ASB11: variants seen among roughly 807,000 people sequenced by gnomAD.
ASB11 encodes ankyrin repeat and SOCS box protein 11.
A neutral mutation model predicts 20.1 loss-of-function variants in ASB11; 17 were observed. That is an observed-to-expected ratio of 0.85 (90% CI 0.58 to 1.27). The LOEUF is 1.27. Ranked by LOEUF, ASB11 falls within the 50% of genes most tolerant of loss-of-function variation. ASB11 has a pLI of 0.00. For synonymous variants in ASB11, 107 were observed against 105.6 expected (o/e 1.01, Z -0.08); for missense variants, 259 against 256.9 (o/e 1.01, Z -0.06).
At chrX:15,284,251 C>CAAAAAAAAAAAAA (rs60542067) in intron 6 of ASB11, among the ~76,000 whole-genome samples, 1 of 72,325 alleles carries the variant, frequency 1.4e-5, no homozygotes, top group Non-Finnish European at 2.5e-5. Flanking sequence ...GACTCCGCCT[C>CAAAAAAAAAAAAA]AAAAAAAAAA....
chrX:15,315,619 C>T lies in ASB11; in HGVS notation c.-14G>A. The T allele has an allele frequency of 8.9e-7, 1 of 1,129,408 alleles. No homozygotes were observed. The highest frequency in any genetic ancestry group is 2.7e-5 in the Admixed American group (1 of 36,568). 93.1% of individuals were successfully genotyped at this position (1,129,408 alleles called of 1,213,427 possible). ...ACCATCTTCCATTTTGGCTTATGCT[C>T]TGTATAGGGTCCTAGGACTGTAAAA... On this transcript the variant is annotated 5_prime_UTR_variant, in exon 1 of 7. Coordinates refer to ENST00000480796, the MANE Select transcript of ASB11 (RefSeq NM_080873.3).
chrX:15,305,420 C>T (rs1001592768), intron 1 of ASB11, among the ~76,000 whole-genome samples: 1 of 111,255 alleles, frequency 9.0e-6, no homozygotes, highest in African/African-American at 3.3e-5. Context: ...GATGACGAAA[C>T]GCGCTATCTA....
intron 1 of ASB11, among the ~76,000 whole-genome samples, chrX:15,310,317 A>G (rs1921391372): frequency 8.9e-6 from 1 of 111,959 alleles, no homozygotes. Flanking sequence ...CTTAAGTAGG[A>G]CTCAATCATT....
At chrX:15,285,864 G>T (rs761678439) in intron 6 of ASB11, among the ~76,000 whole-genome samples, 1 of 110,641 alleles carries the variant, frequency 9.0e-6, no homozygotes, top group Non-Finnish European at 1.9e-5. Context: ...AATTAGCTGG[G>T]CGTGGTGGCA....
intron 3 of ASB11, among the ~76,000 whole-genome samples, chrX:15,294,245 T>C (rs1253197214): frequency 9.0e-6 from 1 of 111,185 alleles, no homozygotes; most frequent in Non-Finnish European, 1.9e-5. Flanking sequence ...TCTGATGCCA[T>C]TGAAATATAG....
chrX:15,298,069 GA>G (rs774016287), intron 2 of ASB11, among the ~76,000 whole-genome samples: 2 of 111,904 alleles, frequency 1.8e-5, no homozygotes, highest in South Asian at 7.5e-4. Flanking sequence ...CAAAACTTAT[GA>G]CATGGGTCTC....
At chrX:15,284,261 A>T (rs1017796433) in intron 6 of ASB11, among the ~76,000 whole-genome samples, 2 of 107,755 alleles carry the variant, frequency 1.9e-5, no homozygotes, top group Non-Finnish European at 3.8e-5. Flanking sequence ...CAAAAAAAAA[A>T]AAAAAAAAAG....
At chrX:15,293,144 C>T in intron 4 of ASB11, 26 bp downstream of exon 4, 1 of 1,199,319 alleles carries the variant, frequency 8.3e-7, no homozygotes, top group East Asian at 3.0e-5. Flanking sequence ...ATCAATGTTT[C>T]ACATGCATTG....
rs985659887 is a variant in ASB11 at position 15,282,358 on chromosome X, G to C, written c.*1147C>G. ...AAAGAGAAAGAATAGAGGAAGAGGA[G>C]GGGTGACAGAAGGAGAGAGAAATGA... On this transcript the variant is annotated 3_prime_UTR_variant, in exon 7 of 7. Transcript: ENST00000480796. The C allele has an allele frequency of 4.5e-5, 5 of 111,368 alleles. No homozygotes were observed. The highest frequency in any genetic ancestry group is 9.4e-5 in the Non-Finnish European group (5 of 53,082). 9.2% of individuals were successfully genotyped at this position (111,368 alleles called of 1,213,427 possible).
intron 4 of ASB11, chrX:15,292,129 AC>A (rs1240585105): frequency 3.6e-5 from 4 of 111,808 alleles, no homozygotes; most frequent in African/African-American, 9.8e-5. Flanking sequence ...TTGGGAAATG[AC>A]TAACATCAGC....
chrX:15,283,538 T>C lies in ASB11; in HGVS notation c.939A>G (p.Pro313=). The change falls in exon 7 of 7, where the codon CCA becomes CCG. Residue 313 remains proline, a synonymous_variant. Coordinates refer to ENST00000480796, the MANE Select transcript of ASB11 (RefSeq NM_080873.3). The part of the protein sequence containing the change: ...CHQAIHKLHL[P]EPLERFLLYQ ...ATAGGAGGAATCGTTCGAGTGGCTCTGGCAGATGTAGCTTGTGGATGGCTT... is the reference window on the plus strand; with the variant it reads ...ATAGGAGGAATCGTTCGAGTGGCTCCGGCAGATGTAGCTTGTGGATGGCTT... The C allele has an allele frequency of 8.3e-7, 1 of 1,211,213 alleles. No homozygotes were observed. The highest frequency in any genetic ancestry group is 1.1e-6 in the Non-Finnish European group (1 of 894,972).
In ASB11 at chrX:15,312,613, T is replaced by C. The variant is rs750467657; in HGVS notation, c.181+2812A>G. Among the ~76,000 whole-genome samples the C allele has an allele frequency of 3.6e-5, 4 of 110,983 alleles. No homozygotes were observed. The South Asian group carries it at 1.5e-3, about 42-fold the overall frequency. On this transcript the variant is annotated intron_variant, in intron 1 of 6. Coordinates refer to ENST00000480796, the MANE Select transcript of ASB11 (RefSeq NM_080873.3). Reference sequence around the variant, plus strand: ...GCTTTTGACATTGCTGACAATAGTTTACAGGAATAGCATATGCTAGCAGAC... The same window carrying C: ...GCTTTTGACATTGCTGACAATAGTTCACAGGAATAGCATATGCTAGCAGAC...
At chrX:15,291,200 A>G (rs1047799980) in intron 4 of ASB11, among the ~76,000 whole-genome samples, 3 of 111,475 alleles carry the variant, frequency 2.7e-5, no homozygotes, top group South Asian at 3.7e-4. Context: ...ACATGCTTTT[A>G]CAGTACAGAA....
At chrX:15,286,594 G>A (rs1264068524) in intron 6 of ASB11, among the ~76,000 whole-genome samples, 1 of 104,844 alleles carries the variant, frequency 9.5e-6, no homozygotes, top group Admixed American at 1.0e-4. Context: ...GAACCCGGGA[G>A]GCAGAGGTTG....
intron 1 of ASB11, chrX:15,314,628 T>C: frequency 1.2e-6 from 1 of 829,507 alleles, no homozygotes; most frequent in Non-Finnish European, 1.5e-6. Context: ...GGATACTAGA[T>C]AAAGAATGAT....
chrX:15,308,973 G>A (rs1921332510), intron 1 of ASB11, among the ~76,000 whole-genome samples: 1 of 111,526 alleles, frequency 9.0e-6, no homozygotes, highest in Non-Finnish European at 1.9e-5. Context: ...CTGGAGTGCA[G>A]TGGTGCAATC....
chrX:15,282,703 C>G lies in ASB11; in HGVS notation c.*802G>C, dbSNP rs1292842810. 9.1e-6 allele frequency: 1 copy of G among 109,900 alleles called. No homozygotes were observed. The highest frequency in any genetic ancestry group is 9.9e-5 in the Admixed American group (1 of 10,102). 9.1% of individuals were successfully genotyped at this position (109,900 alleles called of 1,213,427 possible). On this transcript the variant is annotated 3_prime_UTR_variant, in exon 7 of 7. Transcript: ENST00000480796. ...CAATAGATGCCAACCTCTGGGTGCA[C>G]TGATCTCTTCCAAAGTCTCTCTTAT... is the stretch of plus-strand genomic sequence containing the variant.
intron 1 of ASB11, 38 bp from the exon 2 acceptor site, chrX:15,302,845 A>C (rs1258599447): frequency 5.3e-6 from 6 of 1,141,989 alleles, no homozygotes; most frequent in Non-Finnish European, 7.2e-6. Flanking sequence ...AGGCCTGGAG[A>C]CTTCTTCCTG....
intron 4 of ASB11, among the ~76,000 whole-genome samples, chrX:15,290,538 C>T (rs928604499): frequency 1.8e-5 from 2 of 112,206 alleles, no homozygotes; most frequent in African/African-American, 3.2e-5. Context: ...TGTAAGCAAG[C>T]ATTCTCTTTT....
Sources: allele counts gnomAD v4.1 joint callset (sites outside exome capture counted in the v4.1 genomes callset), GRCh38; gene constraint gnomAD v4.1.1; transcripts MANE v1.5; gene names NCBI Gene and HGNC (gene_info 2026-07-23, HGNC 2026-07-21).